Variants in NAV2 observed in about 807,000 individuals in gnomAD.
The protein encoded by NAV2 is helicase, APC down-regulated 1.
In NAV2, 54 loss-of-function variants were observed where a neutral mutation model predicts 223.2. The observed-to-expected ratio is 0.24, with a 90% CI of 0.19 to 0.30. The LOEUF (loss-of-function observed/expected upper bound fraction) is 0.30. Ranked by LOEUF, NAV2 falls within the 10% of genes least tolerant of loss-of-function variation. The probability of loss-of-function intolerance (pLI) is 1.00; values close to 1 mark genes in which losing one functional copy is unlikely to be tolerated. For missense variants in NAV2, 2,806 were observed against 3,147.5 expected, an observed-to-expected ratio of 0.89 and a Z score of 2.60; for synonymous variants, 1,279 against 1,239.3, an observed-to-expected ratio of 1.03 and a Z score of -0.67.
chr11:19,596,146 G>A lies in NAV2; in HGVS notation c.76-236338G>A, dbSNP rs370545213. On this transcript the variant is annotated intron_variant, in intron 1 of 37. Coordinates refer to the NAV2 transcript ENST00000360655. Reference sequence around the variant, plus strand: ...AGTGCTCTAAAATTCTATTTTATAGGACAATGTTGATGTCATAAGGCTGGC... The same window carrying A: ...AGTGCTCTAAAATTCTATTTTATAGAACAATGTTGATGTCATAAGGCTGGC... 4.6e-5 allele frequency among the ~76,000 whole-genome samples: 7 copies of A among 152,306 alleles called. No individual in the cohort carries two copies. In the East Asian group the frequency reaches 1.4e-3, roughly 29 times the overall value.
chr11:19,532,815 C>T (rs1028847798), intron 1 of NAV2, among the ~76,000 whole-genome samples: 1 of 152,214 alleles, frequency 6.6e-6, no homozygotes, highest in Admixed American at 6.5e-5. Flanking sequence ...GTCCCACATA[C>T]AAGGGGAAGA....
At chr11:19,781,213 T>A (rs561694543) in intron 1 of NAV2, among the ~76,000 whole-genome samples, 126 of 152,344 alleles carry the variant, frequency 8.3e-4, no homozygotes, top group African/African-American at 2.9e-3. Flanking sequence ...AGGCTGTACC[T>A]TGAACTGCTG....
intron 1 of NAV2, among the ~76,000 whole-genome samples, chr11:19,379,127 T>C (rs1162968362): frequency 6.6e-6 from 1 of 151,956 alleles, no homozygotes; most frequent in Admixed American, 6.5e-5. Flanking sequence ...CTGGAGGACT[T>C]TTGTGGGCCA....
intron 1 of NAV2, among the ~76,000 whole-genome samples, chr11:19,717,397 C>T (rs2050391778): frequency 6.6e-6 from 1 of 152,124 alleles, no homozygotes; most frequent in South Asian, 2.1e-4. Context: ...AAAGGAAAGG[C>T]CAAGATGGCT....
intron 1 of NAV2, among the ~76,000 whole-genome samples, chr11:19,351,571 C>A (rs1853314621): frequency 6.6e-6 from 1 of 152,108 alleles, no homozygotes; most frequent in African/African-American, 2.4e-5. Flanking sequence ...TGCAGTCACC[C>A]AGGACCTGTG....
intron 9 of NAV2, among the ~76,000 whole-genome samples, chr11:19,947,772 G>T (rs895034899): frequency 6.6e-6 from 1 of 152,188 alleles, no homozygotes; most frequent in Non-Finnish European, 1.5e-5. Flanking sequence ...GATTGAAGAG[G>T]GAACTCAAGC....
At chr11:20,111,061 G>T (rs924386438) in intron 36 of NAV2, among the ~76,000 whole-genome samples, 3 of 152,084 alleles carry the variant, frequency 2.0e-5, no homozygotes, top group Admixed American at 2.0e-4. Context: ...ACATGATATC[G>T]CCCTCTAGTG....
At chr11:19,371,915 T>C (rs1848484541) in intron 1 of NAV2, among the ~76,000 whole-genome samples, 1 of 151,978 alleles carries the variant, frequency 6.6e-6, no homozygotes, top group Non-Finnish European at 1.5e-5. Context: ...GTAGCTGGGA[T>C]TACAGGCACC....
chr11:19,469,698 C>A (rs1416127182), intron 1 of NAV2, among the ~76,000 whole-genome samples: 1 of 152,172 alleles, frequency 6.6e-6, no homozygotes, highest in Admixed American at 6.5e-5. Flanking sequence ...AAAAAAACCA[C>A]TGAAGTCCAA....
intron 6 of NAV2, among the ~76,000 whole-genome samples, chr11:19,900,289 A>T (rs1195566879): frequency 1.6e-5 from 1 of 63,824 alleles, no homozygotes; most frequent in Non-Finnish European, 5.7e-5. Flanking sequence ...AAGAAGTTGT[A>T]TCAAAGTCTC....
intron 1 of NAV2, among the ~76,000 whole-genome samples, chr11:19,451,080 A>G (rs546408540): frequency 1.3e-5 from 2 of 152,140 alleles, no homozygotes; most frequent in Non-Finnish European, 2.9e-5. Context: ...ATATACTGGC[A>G]TAGAGAGCTT....
intron 1 of NAV2, among the ~76,000 whole-genome samples, chr11:19,548,584 C>T (rs547431887): frequency 5.1e-4 from 77 of 152,160 alleles, no homozygotes; most frequent in Non-Finnish European, 1.0e-3. Flanking sequence ...TAAAAACACT[C>T]TTGGCCAGCA....
At chr11:19,780,856 TG>T (rs1298559972) in intron 1 of NAV2, among the ~76,000 whole-genome samples, 1 of 152,164 alleles carries the variant, frequency 6.6e-6, no homozygotes, top group African/African-American at 2.4e-5. Flanking sequence ...GCCAAGTTCT[TG>T]GGGGGAAGTT....
At chr11:20,107,307 C>A in intron 35 of NAV2, 1 of 163,694 alleles carries the variant, frequency 6.1e-6, no homozygotes, top group Non-Finnish European at 1.3e-5. Context: ...AGGATGGTCT[C>A]GATCTCCTGA....
chr11:20,043,927 G>A, intron 12 of NAV2, 54 bp from the exon 13 acceptor site: 1 of 1,561,232 alleles, frequency 6.4e-7, no homozygotes, highest in South Asian at 1.1e-5. Context: ...TGGAGTGAGG[G>A]GCTTCCCAGC....
chr11:19,415,557 C>T (rs1285901230), intron 1 of NAV2, among the ~76,000 whole-genome samples: 1 of 152,156 alleles, frequency 6.6e-6, no homozygotes, highest in South Asian at 2.1e-4. Context: ...CTATTCCAAA[C>T]AGTAGAAAAA....
intron 1 of NAV2, among the ~76,000 whole-genome samples, chr11:19,357,021 AC>A (rs1359115932): frequency 6.6e-6 from 1 of 152,210 alleles, no homozygotes; most frequent in Admixed American, 6.5e-5. Flanking sequence ...ATAGCTCTGA[AC>A]ATAAGTAAAC....
At chr11:19,571,813 A>G (rs2045435817) in intron 1 of NAV2, among the ~76,000 whole-genome samples, 1 of 152,230 alleles carries the variant, frequency 6.6e-6, no homozygotes, top group South Asian at 2.1e-4. Flanking sequence ...TGGTGCCTTT[A>G]CTATTACTTA....
Position 19,933,853 on chromosome 11 carries a change from T to C in NAV2, c.1609T>C (p.Ser537Pro), listed in dbSNP as rs1411598287. ...TGTGCCCGAGATGCCAAAAAAGTCC[T>C]CCAAGATTGCCAGCTTCATCCCCAA... The part of the protein sequence containing the change: ...AAVPEMPKKS[S>P]KIASFIPKGG... Residue 537 changes from serine (S) to proline (P), a missense_variant, in exon 7 of 38, where the codon TCC becomes CCC. Around this residue, in one of 4 missense-constraint regions of NAV2, gnomAD observed 1,167 missense variants for 1,180.5 expected, o/e 0.99. Transcript: ENST00000349880. This position sits in a 1 kb window ranked among gnomAD's most constrained non-coding sequence, Gnocchi z 4.3. 6.2e-7 allele frequency: 1 copy of C among 1,605,882 alleles called. No homozygotes were observed. Among genetic ancestry groups the C allele is most frequent in the Middle Eastern group, 1.7e-4 (1 of 5,984 alleles).
Sources: gnomAD v4.1 joint callset for allele counts (sites outside exome capture counted in the v4.1 genomes callset) on GRCh38, gnomAD v4.1.1 for gene constraint, gnomAD v4.1.1 regional missense constraint, Gnocchi (gnomAD v3.1) non-coding constraint, MANE v1.5 for transcripts, NCBI Gene and HGNC (gene_info 2026-07-23, HGNC 2026-07-21) for gene names.